FBXO42: variants seen among roughly 807,000 people sequenced by gnomAD.
FBXO42 encodes the protein F-box only protein 42.
Under a neutral mutation model 71.7 loss-of-function variants are expected in FBXO42, and 12 were observed. The observed-to-expected ratio is 0.17, with a 90% CI of 0.11 to 0.27. The LOEUF is 0.27. Among genes scored for constraint, FBXO42 ranks in the 10% least tolerant of loss-of-function variants. The pLI is 1.00. For missense variants in FBXO42, 707 were observed against 911.9 expected (o/e 0.78, Z 2.89); for synonymous variants, 325 against 327.5 (o/e 0.99, Z 0.08).
At chr1:16,308,125 T>C (rs887688769) in intron 2 of FBXO42, among the ~76,000 whole-genome samples, 1 of 152,058 alleles carries the variant, frequency 6.6e-6, no homozygotes, top group Non-Finnish European at 1.5e-5. Flanking sequence ...AGCCAAGAAA[T>C]AGACCCATAC....
intron 2 of FBXO42, among the ~76,000 whole-genome samples, chr1:16,307,938 C>T (rs1295790616): frequency 6.6e-6 from 1 of 152,142 alleles, no homozygotes; most frequent in Non-Finnish European, 1.5e-5. Flanking sequence ...CAAACTGTTT[C>T]CACAGTTTAT....
At chr1:16,263,807 CTTTT>C (rs1193282987) in intron 4 of FBXO42, among the ~76,000 whole-genome samples, 2 of 126,630 alleles carry the variant, frequency 1.6e-5, no homozygotes, top group Admixed American at 8.3e-5. Flanking sequence ...CATACATTAA[CTTTT>C]TTTTTTTTTT....
At chr1:16,321,822 T>A (rs1366528662) in intron 1 of FBXO42, among the ~76,000 whole-genome samples, 1 of 152,086 alleles carries the variant, frequency 6.6e-6, no homozygotes, top group Non-Finnish European at 1.5e-5. Flanking sequence ...TGTTCCAAAG[T>A]GCTGGGAATA....
rs2081591209 is a variant in FBXO42 at position 16,251,473 on chromosome 1, C to A, written c.1351G>T (p.Val451Leu). The part of the protein sequence containing the change: ...GGSLSPGTAA[V>L]GGSSLDSPVQ... Reference sequence around the variant, plus strand: ...GGACTGTCCAAAGAAGAGCCACCCACAGCTGCCGTTCCTGGAGACAAACTC... The same window carrying A: ...GGACTGTCCAAAGAAGAGCCACCCAAAGCTGCCGTTCCTGGAGACAAACTC... The change falls in exon 10 of 10, where the codon GTG becomes TTG. Residue 451 changes from valine (V) to leucine (L), a missense_variant. Val to Leu is a conservative substitution (Grantham distance 32). This residue lies in a region of FBXO42 where 482 missense variants were observed against 587.1 expected (regional missense o/e 0.82). Transcript: ENST00000375592. This position sits in a 1 kb window ranked among gnomAD's most constrained non-coding sequence, Gnocchi z 4.5. The A allele has an allele frequency of 6.2e-7, 1 of 1,614,134 alleles. No individual in the cohort carries two copies. Among genetic ancestry groups the A allele is most frequent in the East Asian group, 2.2e-5 (1 of 44,878 alleles).
rs138270569 is a variant in FBXO42 at position 16,251,146 on chromosome 1, G to C, written c.1678C>G (p.Leu560Val). The C allele has an allele frequency of 1.9e-6, 3 of 1,614,052 alleles. No homozygotes were observed. The highest frequency in any genetic ancestry group is 2.5e-6 in the Non-Finnish European group (3 of 1,180,058). The part of the protein sequence containing the change: ...AVSPGALRRS[L>V]EAIKAMSSKG... ...GAGGACATCGCTTTGATGGCTTCCA[G>C]ACTCCGACGCAGGGCACCTGGGGAG... is the stretch of plus-strand genomic sequence containing the variant. The change falls in exon 10 of 10, where the codon CTG (leucine) becomes GTG (valine). Residue 560 changes from leucine to valine, a missense_variant. Leu to Val is a conservative substitution (Grantham distance 32). This residue lies in a region of FBXO42 where 482 missense variants were observed against 587.1 expected (regional missense o/e 0.82). Coordinates refer to ENST00000375592, the MANE Select transcript of FBXO42 (RefSeq NM_018994.3). This position sits in a 1 kb window ranked among gnomAD's most constrained non-coding sequence, Gnocchi z 4.5.
chr1:16,282,415 G>A (rs968130811), intron 4 of FBXO42, among the ~76,000 whole-genome samples: 10 of 151,214 alleles, frequency 6.6e-5, no homozygotes, highest in Non-Finnish European at 1.3e-4. Context: ...TAGCAGAGAC[G>A]GGGTTTTGCC....
At chr1:16,304,076 A>G (rs2082224935) in intron 3 of FBXO42, among the ~76,000 whole-genome samples, 1 of 150,344 alleles carries the variant, frequency 6.7e-6, no homozygotes, top group Non-Finnish European at 1.5e-5. Flanking sequence ...AAGTGCTGGG[A>G]TTAGAGGCGT....
At chr1:16,257,332 C>T (rs1300706082) in intron 4 of FBXO42, among the ~76,000 whole-genome samples, 1 of 152,128 alleles carries the variant, frequency 6.6e-6, no homozygotes, top group African/African-American at 2.4e-5. Flanking sequence ...GACCTCCAGG[C>T]CCCTAGCTAT....
chr1:16,250,924 G>C lies in FBXO42; in HGVS notation c.1900C>G (p.Pro634Ala). 6.2e-7 allele frequency: 1 copy of C among 1,614,186 alleles called. No homozygotes were observed. Among genetic ancestry groups the C allele is most frequent in the Non-Finnish European group, 8.5e-7 (1 of 1,180,042 alleles). Residue 634 changes from proline (P) to alanine (A), a missense_variant, in exon 10 of 10, where the codon CCC becomes GCC. Transcript: ENST00000375592. This position sits in a 1 kb window ranked among gnomAD's most constrained non-coding sequence, Gnocchi z 4.7. ...HPPQSLNVGKPLYQSMNCKPM... is the reference protein window; with the variant it reads ...HPPQSLNVGKALYQSMNCKPM... The stretch of plus-strand genomic sequence containing the variant: ...TTGCAGTTCATACTCTGGTATAGGG[G>C]TTTGCCAACATTTAGGGACTGTGGA...
At chr1:16,289,542 C>T (rs1198176178) in intron 4 of FBXO42, among the ~76,000 whole-genome samples, 5 of 152,178 alleles carry the variant, frequency 3.3e-5, no homozygotes, top group African/African-American at 7.2e-5. Context: ...CCACTCTCTC[C>T]CCTGCTCCTT....
In FBXO42 at chr1:16,315,438, G is replaced by A; in HGVS notation, c.-17-3C>T. Reference sequence around the variant, plus strand: ...GGCCATGACATTCCACTCAACAGCTGTAATAGGTAAAACATAAATATCAGT... The same window carrying A: ...GGCCATGACATTCCACTCAACAGCTATAATAGGTAAAACATAAATATCAGT... On this transcript the variant is annotated splice_region_variant and splice_polypyrimidine_tract_variant and intron_variant, in intron 1 of 9. Transcript: ENST00000375592. The A allele has an allele frequency of 6.2e-7, 1 of 1,610,586 alleles. No homozygotes were observed. Among genetic ancestry groups the A allele is most frequent in the Non-Finnish European group, 8.5e-7 (1 of 1,178,190 alleles).
chr1:16,263,935 C>T (rs1287858659), intron 4 of FBXO42, among the ~76,000 whole-genome samples: 3 of 151,470 alleles, frequency 2.0e-5, no homozygotes, highest in Non-Finnish European at 2.9e-5. Flanking sequence ...CTCAGCCTCC[C>T]GAGTAGCTGG....
At chr1:16,326,772 G>A (rs770027269) in intron 1 of FBXO42, among the ~76,000 whole-genome samples, 2 of 151,462 alleles carry the variant, frequency 1.3e-5, no homozygotes, top group African/African-American at 2.4e-5. Flanking sequence ...TCTAAAACAC[G>A]TAAGCCAGAA....
chr1:16,321,990 G>A (rs531985018), intron 1 of FBXO42, among the ~76,000 whole-genome samples: 23 of 151,924 alleles, frequency 1.5e-4, no homozygotes, highest in African/African-American at 5.1e-4. Context: ...CCAACATGGC[G>A]AAACCCTGTC....
intron 2 of FBXO42, among the ~76,000 whole-genome samples, chr1:16,311,313 C>T (rs898295858): frequency 1.3e-5 from 2 of 149,626 alleles, no homozygotes; most frequent in African/African-American, 4.9e-5. Flanking sequence ...CCCATCTCTA[C>T]AAAAATAAAT....
chr1:16,345,180 T>G (rs1363622355), intron 1 of FBXO42, among the ~76,000 whole-genome samples: 1 of 150,812 alleles, frequency 6.6e-6, no homozygotes, highest in Non-Finnish European at 1.5e-5. Flanking sequence ...TCCCAGCACT[T>G]TGGGAGACCA....
chr1:16,249,047 G>A lies in FBXO42; in HGVS notation c.*1623C>T, dbSNP rs953025966. 1.3e-5 allele frequency: 2 copies of A among 152,254 alleles called. No homozygotes were observed. The highest frequency in any genetic ancestry group is 4.8e-5 in the African/African-American group (2 of 41,470). The allele number at this position is 152,254 out of a possible 1,614,324, so 9.4% of individuals were successfully genotyped here. A position where few individuals can be genotyped will look rare whatever the true frequency, so the allele number is the denominator to read the frequency against. ...GCAGCAGGCTTTGTGCCTGAGAAAC[G>A]CTAATAATAAAAAGAGGAGTGTCAG... On this transcript the variant is annotated 3_prime_UTR_variant, in exon 10 of 10. Coordinates refer to ENST00000375592, the MANE Select transcript of FBXO42 (RefSeq NM_018994.3).
intron 1 of FBXO42, among the ~76,000 whole-genome samples, chr1:16,336,218 A>T (rs2082551984): frequency 6.6e-6 from 1 of 151,918 alleles, no homozygotes; most frequent in South Asian, 2.1e-4. Flanking sequence ...GATTACAGGC[A>T]TGAGCCACCG....
At chr1:16,347,273 T>C (rs2082661159) in intron 1 of FBXO42, among the ~76,000 whole-genome samples, 3 of 151,970 alleles carry the variant, frequency 2.0e-5, no homozygotes, top group African/African-American at 7.2e-5. Context: ...CCTAGCACTT[T>C]GGGAGGCTGA....
Sources: gnomAD v4.1 joint callset for allele counts (sites outside exome capture counted in the v4.1 genomes callset) on GRCh38, gnomAD v4.1.1 for gene constraint, gnomAD v4.1.1 regional missense constraint, Gnocchi (gnomAD v3.1) non-coding constraint, MANE v1.5 for transcripts, NCBI Gene and HGNC (gene_info 2026-07-23, HGNC 2026-07-21) for gene names.